Variants in GRHL2 observed in about 807,000 individuals in gnomAD.
GRHL2 encodes grainyhead like transcription factor 2.
A neutral mutation model predicts 83.8 loss-of-function variants in GRHL2; 21 were observed. The ratio of observed to expected loss-of-function variants is 0.25; its 90% CI spans 0.18 to 0.36. The LOEUF is 0.36. Ranked by LOEUF, GRHL2 falls within the 10% of genes least tolerant of loss-of-function variation. The pLI is 1.00. For missense variants in GRHL2, 623 were observed against 781.8 expected, an observed-to-expected ratio of 0.80 and a Z score of 2.42; for synonymous variants, 280 against 278.9, an observed-to-expected ratio of 1.00 and a Z score of -0.04.
chr8:101,678,810 G>A, the GRHL2 span, among the ~76,000 whole-genome samples: 264 of 151,940 alleles, frequency 1.7e-3, 3 homozygotes, highest in South Asian at 1.0e-3. Context: ...CCCCAGCAGG[G>A]GCACACTGAC....
chr8:101,510,307 T>A (rs1240602907), intron 1 of GRHL2, among the ~76,000 whole-genome samples: 1 of 152,118 alleles, frequency 6.6e-6, no homozygotes, highest in Non-Finnish European at 1.5e-5. Context: ...ATATTTTTAA[T>A]TTTTTGCAAA....
At chr8:101,588,767 T>C (rs1012528260) in intron 7 of GRHL2, among the ~76,000 whole-genome samples, 3 of 152,230 alleles carry the variant, frequency 2.0e-5, no homozygotes, top group Admixed American at 1.3e-4. Flanking sequence ...GAAGTACAAC[T>C]ATAAGTGTTT....
intron 14 of GRHL2, among the ~76,000 whole-genome samples, chr8:101,658,435 G>A (rs1038003483): frequency 4.6e-5 from 7 of 152,130 alleles, no homozygotes; most frequent in African/African-American, 7.2e-5. Context: ...GAGAGACAGC[G>A]CTCACAAAAG....
chr8:101,564,534 G>A (rs763044484), intron 4 of GRHL2, among the ~76,000 whole-genome samples: 7 of 152,148 alleles, frequency 4.6e-5, no homozygotes, highest in Non-Finnish European at 8.8e-5. Context: ...GACTGGGAGT[G>A]GTGGCTTGTG....
chr8:101,614,601 G>T (rs889927127), intron 8 of GRHL2, among the ~76,000 whole-genome samples: 1 of 152,136 alleles, frequency 6.6e-6, no homozygotes, highest in Admixed American at 6.5e-5. Flanking sequence ...TTTGGTAGAG[G>T]AAATTATACC....
At chr8:101,644,075 C>A (rs1051629222) in intron 12 of GRHL2, 56 bp from the exon 13 acceptor site, 3 of 1,404,840 alleles carry the variant, frequency 2.1e-6, no homozygotes, top group African/African-American at 1.4e-5. Flanking sequence ...CACATGTGAA[C>A]GTGTGTTTTG....
rs187850886 is a variant in GRHL2, at chr8:101,631,441, C to T, written c.1258-196C>T. The stretch of plus-strand genomic sequence containing the variant: ...GGGAGAGGTGGGATCCCTCACAGGT[C>T]ACAAATGTGGTATAGACTTATGAGT... On this transcript the variant is annotated intron_variant, in intron 9 of 15. Coordinates refer to ENST00000646743, the MANE Select transcript of GRHL2 (RefSeq NM_024915.4). 8.6e-4 allele frequency among the ~76,000 whole-genome samples: 131 copies of T among 152,214 alleles called. 1 individual carries two copies. Among genetic ancestry groups the T allele is most frequent in the African/African-American group, 3.0e-3 (123 of 41,536 alleles).
intron 8 of GRHL2, among the ~76,000 whole-genome samples, chr8:101,612,793 C>G (rs1812779606): frequency 6.6e-6 from 1 of 150,936 alleles, no homozygotes; most frequent in African/African-American, 2.5e-5. Flanking sequence ...TGTTGACTGT[C>G]TACCATGGGC....
intron 1 of GRHL2, among the ~76,000 whole-genome samples, chr8:101,519,505 C>T (rs185232458): frequency 1.3e-5 from 2 of 151,946 alleles, no homozygotes; most frequent in Admixed American, 1.3e-4. Context: ...TTTAAGCAAT[C>T]CTCCTGCCTC....
chr8:101,493,804 C>T (rs1810029118), intron 1 of GRHL2, among the ~76,000 whole-genome samples: 1 of 152,016 alleles, frequency 6.6e-6, no homozygotes, highest in South Asian at 2.1e-4. Context: ...CGGGGAGCCA[C>T]AGCCTGCGCG....
At chr8:101,657,240 C>T (rs7822657) in intron 14 of GRHL2, among the ~76,000 whole-genome samples, 48,262 of 152,004 alleles carry the variant, frequency 0.32, 8,297 homozygotes, top group African/African-American at 0.44. Flanking sequence ...AATCATTAAA[C>T]GTAATTGACT....
chr8:101,564,009 A>T (rs889739240), intron 4 of GRHL2, among the ~76,000 whole-genome samples: 5 of 152,188 alleles, frequency 3.3e-5, no homozygotes, highest in Non-Finnish European at 7.3e-5. Context: ...GTTATCAGTT[A>T]TGTTTGTTGT....
At chr8:101,676,763 T>C in the GRHL2 span, among the ~76,000 whole-genome samples, 1 of 152,156 alleles carries the variant, frequency 6.6e-6, no homozygotes, top group Admixed American at 6.5e-5. Flanking sequence ...CATGCACACA[T>C]ATGTTTATTG....
chr8:101,658,869 C>A (rs1813854440), intron 14 of GRHL2, among the ~76,000 whole-genome samples: 1 of 152,148 alleles, frequency 6.6e-6, no homozygotes, highest in South Asian at 2.1e-4. Context: ...TAGTTAGGTA[C>A]AAATAATGTA....
At chr8:101,506,876 A>T (rs1031345393) in intron 1 of GRHL2, among the ~76,000 whole-genome samples, 3 of 151,990 alleles carry the variant, frequency 2.0e-5, no homozygotes, top group Non-Finnish European at 4.4e-5. Context: ...AAGAGATTAA[A>T]CATTTTCTCA....
intron 4 of GRHL2, among the ~76,000 whole-genome samples, chr8:101,562,968 A>C (rs1317210844): frequency 6.6e-6 from 1 of 152,236 alleles, no homozygotes; most frequent in Non-Finnish European, 1.5e-5. Context: ...GGAAAAATGC[A>C]GCTGCCTGAG....
rs1294494136 is a variant in GRHL2, at chr8:101,570,323, G to A, written c.679-16G>A. The A allele has an allele frequency of 6.2e-6, 10 of 1,607,230 alleles. No homozygotes were observed. The highest frequency in any genetic ancestry group is 8.5e-6 in the Non-Finnish European group (10 of 1,173,826). On this transcript the variant is annotated splice_polypyrimidine_tract_variant and intron_variant, in intron 4 of 15. Coordinates refer to ENST00000646743, the MANE Select transcript of GRHL2 (RefSeq NM_024915.4). ...CTTACCTATTTGTTTTAATTCCGAT[G>A]ACTCATATTTTGCAGAAATTTCGGA... is the stretch of plus-strand genomic sequence containing the variant.
chr8:101,579,749 C>T (rs1350045144), intron 7 of GRHL2, among the ~76,000 whole-genome samples: 3 of 152,124 alleles, frequency 2.0e-5, no homozygotes, highest in Admixed American at 6.5e-5. Flanking sequence ...AAAGGAGCAC[C>T]GATGGTGTCC....
At position 101,666,637 on chromosome 8, in the gene GRHL2, G is replaced by A. The variant is rs759611849; in HGVS notation, c.1812G>A (p.Glu604=). The A allele has an allele frequency of 3.7e-6, 6 of 1,613,698 alleles. No homozygotes were observed. Among genetic ancestry groups the A allele is most frequent in the Non-Finnish European group, 5.1e-6 (6 of 1,179,652 alleles). Residue 604 remains glutamate, a synonymous_variant, in exon 16 of 16, where the codon GAG becomes GAA. Coordinates refer to ENST00000646743, the MANE Select transcript of GRHL2 (RefSeq NM_024915.4). ...ACATCATCGAGCACTACTCGAACGAGGACACCTTCATCCTCAACATGGAGA... is the reference window on the plus strand; with the variant it reads ...ACATCATCGAGCACTACTCGAACGAAGACACCTTCATCCTCAACATGGAGA... ...DDNIIEHYSN[E]DTFILNMESM... is the part of the protein sequence containing the mutation.
Sources: gnomAD v4.1 joint callset for allele counts (sites outside exome capture counted in the v4.1 genomes callset) on GRCh38, gnomAD v4.1.1 for gene constraint, MANE v1.5 for transcripts, NCBI Gene and HGNC (gene_info 2026-07-23, HGNC 2026-07-21) for gene names.